The following AFF2 variants were observed in gnomAD, a reference collection of about 807,000 sequenced individuals.
AFF2 encodes ALF transcription elongation factor 2.
AFF2 carries 14 observed loss-of-function variants against 76.9 expected under a neutral mutation model. That is an observed-to-expected ratio of 0.18 (90% CI 0.12 to 0.28). The LOEUF is 0.28. AFF2 is among the 10% of genes least tolerant of loss of function. The probability of loss-of-function intolerance (pLI) is 1.00; values close to 1 mark genes in which losing one functional copy is unlikely to be tolerated. For synonymous variants in AFF2, 398 were observed against 366.7 expected (o/e 1.09, Z -0.98); for missense variants, 868 against 1,001.1 (o/e 0.87, Z 1.79).
intron 1 of AFF2, among the ~76,000 whole-genome samples, chrX:148,512,203 A>C (rs1233680798): frequency 8.9e-6 from 1 of 112,562 alleles, no homozygotes; most frequent in Non-Finnish European, 1.9e-5. Context: ...TTAAATGTTA[A>C]CTATATCTCT....
chrX:148,928,161 C>G (rs1308780481), intron 9 of AFF2, among the ~76,000 whole-genome samples: 1 of 111,910 alleles, frequency 8.9e-6, no homozygotes, highest in African/African-American at 3.2e-5. Context: ...GAAAAAGAAG[C>G]TGCAATGGAA....
chrX:148,680,938 A>T (rs1042846554), intron 3 of AFF2, among the ~76,000 whole-genome samples: 2 of 111,648 alleles, frequency 1.8e-5, no homozygotes, highest in Admixed American at 1.9e-4. Context: ...GTCTCAGAAA[A>T]ATGTGACTTG....
chrX:148,678,463 A>T (rs1264249030), intron 3 of AFF2, among the ~76,000 whole-genome samples: 3 of 112,215 alleles, frequency 2.7e-5, no homozygotes, highest in African/African-American at 6.5e-5. Flanking sequence ...GGTACTATTT[A>T]TAAAATTACA....
At chrX:148,701,934 A>G (rs2054804361) in intron 3 of AFF2, among the ~76,000 whole-genome samples, 1 of 112,407 alleles carries the variant, frequency 8.9e-6, no homozygotes, top group Non-Finnish European at 1.9e-5. Context: ...AATTCTGAAC[A>G]TTGAAGCATT....
At chrX:148,958,258 T>G in intron 11 of AFF2, 79 bp from the exon 12 acceptor site, 1 of 1,141,056 alleles carries the variant, frequency 8.8e-7, no homozygotes. Context: ...TGTATCTTGC[T>G]CATTTTTAGT....
At chrX:148,909,538 CTG>C (rs1381733263) in intron 9 of AFF2, among the ~76,000 whole-genome samples, 1 of 111,783 alleles carries the variant, frequency 8.9e-6, no homozygotes, top group Non-Finnish European at 1.9e-5. Context: ...CATAGGGAGA[CTG>C]TGATATACAG....
intron 1 of AFF2, among the ~76,000 whole-genome samples, chrX:148,634,980 G>A (rs781799248): frequency 8.1e-5 from 9 of 111,666 alleles, no homozygotes; most frequent in Non-Finnish European, 1.1e-4. Context: ...CCTACTGTAT[G>A]TCATGTAATG....
intron 3 of AFF2, among the ~76,000 whole-genome samples, chrX:148,673,341 A>G (rs781925381): frequency 8.9e-6 from 1 of 111,818 alleles, no homozygotes; most frequent in East Asian, 2.8e-4. Context: ...AAGATGCCAC[A>G]CTCATTCCCA....
intron 1 of AFF2, among the ~76,000 whole-genome samples, chrX:148,630,210 G>A (rs143588416): frequency 1.8e-5 from 2 of 111,300 alleles, no homozygotes; most frequent in East Asian, 5.7e-4. Flanking sequence ...ATCTTGATGA[G>A]GGAGGAGGTT....
chrX:148,644,181 A>C (rs1373281953), intron 1 of AFF2, among the ~76,000 whole-genome samples: 1 of 111,882 alleles, frequency 8.9e-6, no homozygotes, highest in African/African-American at 3.3e-5. Flanking sequence ...AAGATAGTTA[A>C]GATTTTAGAC....
At chrX:148,593,777 C>CA (rs2053544772) in intron 1 of AFF2, among the ~76,000 whole-genome samples, 1 of 112,042 alleles carries the variant, frequency 8.9e-6, no homozygotes, top group Non-Finnish European at 1.9e-5. Context: ...TTAATCTTCA[C>CA]AAAACCTCAA....
intron 1 of AFF2, among the ~76,000 whole-genome samples, chrX:148,526,706 T>A (rs1412182412): frequency 9.0e-6 from 1 of 111,548 alleles, no homozygotes; most frequent in East Asian, 2.8e-4. Flanking sequence ...TACATGCACA[T>A]ACACATACAT....
In AFF2 at chrX:148,974,096, G is replaced by T. The variant is rs1557289892; in HGVS notation, c.3404+489G>T. 3.6e-5 allele frequency among the ~76,000 whole-genome samples: 4 copies of T among 111,251 alleles called. No homozygotes were observed. In the South Asian group the frequency reaches 1.5e-3, roughly 43 times the overall value. On this transcript the variant is annotated intron_variant, in intron 16 of 20. Coordinates refer to ENST00000370460, the MANE Select transcript of AFF2 (RefSeq NM_002025.4). ...GACTTTCCATGCATCTGGAATTAGG[G>T]AAATAGATGAGGTGGTAGTAGGGGC...
chrX:148,581,219 A>ACG (rs1557244661), intron 1 of AFF2, among the ~76,000 whole-genome samples: 13 of 27,059 alleles, frequency 4.8e-4, no homozygotes, highest in African/African-American at 2.1e-3. Context: ...ACACACATAT[A>ACG]TAATATACGT....
Position 148,832,608 on chromosome X carries a change from G to A in AFF2, c.1087-5039G>A, listed in dbSNP as rs921785068. 4.5e-5 allele frequency among the ~76,000 whole-genome samples: 5 copies of A among 111,680 alleles called. No individual in the cohort carries two copies. The South Asian group carries it at 1.9e-3, about 42-fold the overall frequency. ...GCTGGTAGCAATGAGCTTTGAATGT[G>A]TACAACACTATATGGTTTACAAAGC... is the stretch of plus-strand genomic sequence containing the variant. On this transcript the variant is annotated intron_variant, in intron 4 of 20. Coordinates refer to ENST00000370460, the MANE Select transcript of AFF2 (RefSeq NM_002025.4).
At chrX:148,719,825 A>T (rs2055070272) in intron 3 of AFF2, among the ~76,000 whole-genome samples, 1 of 111,319 alleles carries the variant, frequency 9.0e-6, no homozygotes, top group Non-Finnish European at 1.9e-5. Context: ...ATGACAACAA[A>T]ACTTAGCATA....
intron 9 of AFF2, among the ~76,000 whole-genome samples, chrX:148,952,721 T>C (rs1191257144): frequency 8.9e-6 from 1 of 112,024 alleles, no homozygotes; most frequent in Non-Finnish European, 1.9e-5. Context: ...TAGCAAATGG[T>C]GTCACTTTCC....
intron 3 of AFF2, among the ~76,000 whole-genome samples, chrX:148,694,085 C>T (rs1237154238): frequency 3.8e-5 from 4 of 105,980 alleles, no homozygotes; most frequent in Admixed American, 1.0e-4. Flanking sequence ...AACCAAACAC[C>T]GCATATTCTC....
Position 148,894,284 on chromosome X carries a change from C to T in AFF2, c.1359+8299C>T, listed in dbSNP as rs782555274. Reference sequence around the variant, plus strand: ...TCAAGAATGCTTAACTCTACCCCCTCCCCCCCAGATATCTGCCATCTGCTA... The same window carrying T: ...TCAAGAATGCTTAACTCTACCCCCTTCCCCCCAGATATCTGCCATCTGCTA... On this transcript the variant is annotated intron_variant, in intron 8 of 20. Transcript: ENST00000370460. 1.1e-3 allele frequency among the ~76,000 whole-genome samples: 124 copies of T among 111,427 alleles called. 3 individuals are homozygous for T. The highest frequency in any genetic ancestry group is 2.3e-4 in the Non-Finnish European group (12 of 52,985).
Sources: gnomAD v4.1 joint callset for allele counts (sites outside exome capture counted in the v4.1 genomes callset) on GRCh38, gnomAD v4.1.1 for gene constraint, MANE v1.5 for transcripts, NCBI Gene and HGNC (gene_info 2026-07-23, HGNC 2026-07-21) for gene names.